NPEPPS: variants seen among roughly 807,000 people sequenced by gnomAD.
The protein encoded by NPEPPS is aminopeptidase puromycin sensitive, also known as puromycin-sensitive aminopeptidase.
Under a neutral mutation model 115.5 loss-of-function variants are expected in NPEPPS, and 14 were observed. The ratio of observed to expected loss-of-function variants is 0.12; its 90% CI spans 0.08 to 0.19. NPEPPS has a LOEUF of 0.19. Among genes scored for constraint, NPEPPS ranks in the 10% least tolerant of loss-of-function variants. NPEPPS has a pLI of 1.00. For synonymous variants in NPEPPS, 285 were observed against 390.6 expected, an observed-to-expected ratio of 0.73 and a Z score of 3.19; for missense variants, 523 against 1,110.8, an observed-to-expected ratio of 0.47 and a Z score of 7.52.
chr17:47,553,764 T>A (rs112541864), intron 2 of NPEPPS, among the ~76,000 whole-genome samples: 1 of 152,044 alleles, frequency 6.6e-6, no homozygotes, highest in East Asian at 1.9e-4. Flanking sequence ...TCTCTCTTTT[T>A]TTTTTTTTTG....
Position 47,612,316 on chromosome 17 carries a change from G to C in NPEPPS, c.2096-144G>C, listed in dbSNP as rs1380696638. On this transcript the variant is annotated intron_variant, in intron 17 of 22. Transcript: ENST00000322157. ...TTATGATTTGATAAATGTAAAACGA[G>C]TATTCTCTCAGGTATTAAGTTAATT... The C allele has an allele frequency of 4.0e-6, 3 of 750,794 alleles. No individual in the cohort carries two copies. In the African/African-American group the frequency reaches 5.3e-5, roughly 13 times the overall value. 46.5% of individuals were successfully genotyped at this position (750,794 alleles called of 1,614,324 possible).
chr17:47,543,258 A>G (rs1908915828), intron 1 of NPEPPS, among the ~76,000 whole-genome samples: 1 of 152,038 alleles, frequency 6.6e-6, no homozygotes, highest in Non-Finnish European at 1.5e-5. Context: ...GTAGTAACCA[A>G]TGTTATTAGT....
chr17:47,569,068 A>G (rs1026421019), intron 2 of NPEPPS, among the ~76,000 whole-genome samples: 2 of 152,216 alleles, frequency 1.3e-5, no homozygotes, highest in Admixed American at 1.3e-4. Flanking sequence ...AAATCTTGGC[A>G]AGTTGCCAAG....
At position 47,623,216 on chromosome 17, in the gene NPEPPS, T is replaced by C; in HGVS notation, c.*1296T>C. On this transcript the variant is annotated 3_prime_UTR_variant, in exon 23 of 23. Coordinates refer to ENST00000322157, the MANE Select transcript of NPEPPS (RefSeq NM_006310.4). ...GCTTCCTTGAAACATTTTTGTGCTA[T>C]TGTTTTAAAAAAATAATTAAAAAAC... 1 of 171,980 alleles carries C rather than the reference T, an allele frequency of 5.8e-6. No homozygotes were observed. The highest frequency in any genetic ancestry group is 1.2e-5 in the Non-Finnish European group (1 of 80,286). The allele number at this position is 171,980 out of a possible 1,614,324, so 10.7% of individuals were successfully genotyped here. A position where few individuals can be genotyped will look rare whatever the true frequency, so the allele number is the denominator to read the frequency against.
rs1321269499 is a variant in NPEPPS at position 47,594,756 on chromosome 17, C to T, written c.1427-1597C>T. Among the ~76,000 whole-genome samples, 5 of 151,788 alleles carry T rather than the reference C, an allele frequency of 3.3e-5. No homozygotes were observed. In the East Asian group the frequency reaches 7.7e-4, roughly 24 times the overall value. ...CAGGCCATTCTCCTGCCTCAGCCTCCCGAGTAGCTGGGACTACAGGCGCCC... is the reference window on the plus strand; with the variant it reads ...CAGGCCATTCTCCTGCCTCAGCCTCTCGAGTAGCTGGGACTACAGGCGCCC... On this transcript the variant is annotated intron_variant, in intron 12 of 22. Transcript: ENST00000322157.
chr17:47,619,619 C>A, intron 21 of NPEPPS, 118 bp from the exon 22 acceptor site: 1 of 818,960 alleles, frequency 1.2e-6, no homozygotes, highest in Non-Finnish European at 2.1e-6. Context: ...TCTCCCATCA[C>A]ACATCCTTTA....
At chr17:47,543,754 G>C (rs570745375) in intron 1 of NPEPPS, among the ~76,000 whole-genome samples, 5 of 152,214 alleles carry the variant, frequency 3.3e-5, no homozygotes, top group African/African-American at 1.2e-4. Context: ...GGATAATTTG[G>C]CAGTTCTTGG....
At chr17:47,529,533 T>C (rs930955970), upstream of NPEPPS, among the ~76,000 whole-genome samples, 2 of 149,254 alleles carry the variant, frequency 1.3e-5, no homozygotes. Flanking sequence ...GCCTCCCTAG[T>C]AGCTGGGACT....
chr17:47,549,275 G>C (rs1040832148), intron 2 of NPEPPS, among the ~76,000 whole-genome samples: 1 of 152,052 alleles, frequency 6.6e-6, no homozygotes, highest in Middle Eastern at 3.2e-3. Flanking sequence ...CCGGGAGGCA[G>C]AGGTTGCAGT....
intron 15 of NPEPPS, among the ~76,000 whole-genome samples, chr17:47,603,320 G>T (rs1345174157): frequency 6.6e-6 from 1 of 152,132 alleles, no homozygotes; most frequent in African/African-American, 2.4e-5. Flanking sequence ...GGTGAGGCAC[G>T]AGAATCACTT....
At chr17:47,529,202 C>T (rs1725782027), upstream of NPEPPS, among the ~76,000 whole-genome samples, 2 of 151,998 alleles carry the variant, frequency 1.3e-5, no homozygotes, top group South Asian at 4.2e-4. Context: ...AATCTCCTTG[C>T]CTTTGACACT....
chr17:47,578,452 T>C (rs1911664627), intron 3 of NPEPPS, among the ~76,000 whole-genome samples: 1 of 151,914 alleles, frequency 6.6e-6, no homozygotes, highest in African/African-American at 2.4e-5. Flanking sequence ...GTGACTTGAT[T>C]TGTAAAACAC....
intron 2 of NPEPPS, among the ~76,000 whole-genome samples, chr17:47,554,861 A>G (rs576304528): frequency 1.4e-4 from 21 of 152,366 alleles, no homozygotes; most frequent in Admixed American, 3.9e-4. Flanking sequence ...ATATATATAC[A>G]GCATGGATAG....
chr17:47,531,460 C>T lies in NPEPPS; in HGVS notation c.160C>T (p.Leu54=). The T allele has an allele frequency of 6.3e-7, 1 of 1,583,880 alleles. No individual in the cohort carries two copies. The highest frequency in any genetic ancestry group is 8.6e-7 in the Non-Finnish European group (1 of 1,167,538). The change falls in exon 1 of 23, where the codon CTG becomes TTG. Residue 54 remains leucine, a synonymous_variant. Coordinates refer to ENST00000322157, the MANE Select transcript of NPEPPS (RefSeq NM_006310.4). ...AMPEKRPFER[L]PADVSPINYS... ...GCCGGAGAAGAGGCCCTTCGAGCGG[C>T]TGCCTGCCGATGTCTCCCCCATCAA... is the stretch of plus-strand genomic sequence containing the variant.
chr17:47,542,855 G>C (rs1452665082), intron 1 of NPEPPS, among the ~76,000 whole-genome samples: 2 of 152,004 alleles, frequency 1.3e-5, no homozygotes, highest in African/African-American at 4.8e-5. Context: ...AAATGCACAA[G>C]AGGCCAGGCG....
chr17:47,613,975 T>G (rs1258390120), intron 19 of NPEPPS, among the ~76,000 whole-genome samples: 4 of 151,156 alleles, frequency 2.6e-5, no homozygotes, highest in Non-Finnish European at 5.9e-5. Flanking sequence ...GAAATCTTAT[T>G]ATTATTTTTT....
intron 22 of NPEPPS, among the ~76,000 whole-genome samples, chr17:47,621,180 CAAA>C (rs5820662): frequency 5.4e-4 from 46 of 84,676 alleles, no homozygotes; most frequent in Admixed American, 6.3e-4. Context: ...GACCCTGTCT[CAAA>C]AAAAAAAAAA....
intron 12 of NPEPPS, among the ~76,000 whole-genome samples, chr17:47,594,629 A>ATGT (rs1555610749): frequency 7.6e-5 from 11 of 144,878 alleles, no homozygotes; most frequent in Admixed American, 5.6e-4. Context: ...ATGTTATGTT[A>ATGT]TGTTATGTTA....
At chr17:47,538,535 T>C (rs1187635477) in intron 1 of NPEPPS, among the ~76,000 whole-genome samples, 1 of 143,594 alleles carries the variant, frequency 7.0e-6, no homozygotes, top group Non-Finnish European at 1.5e-5. Context: ...TCTTTTTTTT[T>C]TTTTTTTTTT....
Sources: allele counts gnomAD v4.1 joint callset (sites outside exome capture counted in the v4.1 genomes callset), GRCh38; gene constraint gnomAD v4.1.1; transcripts MANE v1.5; gene names NCBI Gene and HGNC (gene_info 2026-07-23, HGNC 2026-07-21).